The following DNAH12 variants were observed in gnomAD, a reference collection of about 807,000 sequenced individuals.
DNAH12 encodes the protein axonemal beta dynein heavy chain 12.
Under a neutral mutation model 371.5 loss-of-function variants are expected in DNAH12, and 285 were observed. The ratio of observed to expected loss-of-function variants is 0.77; its 90% CI spans 0.70 to 0.85. DNAH12 has a LOEUF of 0.85. Among genes scored for constraint, DNAH12 ranks in the 40% least tolerant of loss-of-function variants. The pLI, the probability that DNAH12 is intolerant of heterozygous loss-of-function variation, is 0.00. For synonymous variants in DNAH12, 1,200 were observed against 1,213.0 expected, an observed-to-expected ratio of 0.99 and a Z score of 0.22; for missense variants, 3,611 against 3,689.4, an observed-to-expected ratio of 0.98 and a Z score of 0.55.
chr3:57,325,037 C>A (rs2061905174), intron 62 of DNAH12, among the ~76,000 whole-genome samples: 1 of 152,226 alleles, frequency 6.6e-6, no homozygotes, highest in African/African-American at 2.4e-5. Context: ...CGCCATTGCC[C>A]AGGCTTGCTT....
rs1290994946 is a variant in DNAH12, at chr3:57,403,368, T to C, written c.6889A>G (p.Ile2297Val). The C allele has an allele frequency of 1.4e-5, 22 of 1,551,088 alleles. No homozygotes were observed. The highest frequency in any genetic ancestry group is 2.0e-5 in the Admixed American group (1 of 50,944). Residue 2297 changes from isoleucine (I) to valine (V), a missense_variant, in exon 43 of 74, where the codon ATT (isoleucine) becomes GTT (valine). This residue lies in a region of DNAH12 where 2,266 missense variants were observed against 2,236.9 expected (regional missense o/e 1.01). Transcript: ENST00000495027. ...RLATSMAKMH[I>V]FQPEISKSYG... ...CTCTTAGAAATTTCTGGTTGGAAAA[T>C]ATGCATTTTTGCCATGGATGTAGCC...
chr3:57,547,953 CA>C (rs1478987329), upstream of DNAH12, among the ~76,000 whole-genome samples: 1 of 152,096 alleles, frequency 6.6e-6, no homozygotes, highest in Non-Finnish European at 1.5e-5. Flanking sequence ...TTTGAAGACA[CA>C]ATGCTTTAGG....
chr3:57,407,281 G>GGA (rs111470239), intron 40 of DNAH12, among the ~76,000 whole-genome samples: 2 of 133,600 alleles, frequency 1.5e-5, no homozygotes, highest in Non-Finnish European at 1.6e-5. Context: ...TTCAAAGACA[G>GGA]AAAAAAAAAA....
intron 64 of DNAH12, 148 bp downstream of exon 64, chr3:57,322,859 G>T: frequency 9.0e-7 from 1 of 1,116,772 alleles, no homozygotes; most frequent in Non-Finnish European, 1.2e-6. Context: ...GAACCCGGGA[G>T]GCGAAGTTTG....
At chr3:57,399,428 A>G (rs2063810875) in intron 43 of DNAH12, among the ~76,000 whole-genome samples, 1 of 152,178 alleles carries the variant, frequency 6.6e-6, no homozygotes, top group Non-Finnish European at 1.5e-5. Flanking sequence ...TGCCTACAAG[A>G]GATTCATTTT....
upstream of DNAH12, among the ~76,000 whole-genome samples, chr3:57,545,305 G>T (rs1242522785): frequency 9.3e-6 from 1 of 107,768 alleles, no homozygotes. Context: ...CACCAAACCC[G>T]ACTAATTTTT....
intron 60 of DNAH12, among the ~76,000 whole-genome samples, chr3:57,344,682 G>T (rs572976026): frequency 1.3e-5 from 2 of 152,104 alleles, no homozygotes; most frequent in East Asian, 1.9e-4. Context: ...AGTGAAATAC[G>T]CCAGGAACAC....
chr3:57,477,109 G>A (rs1188385068), intron 13 of DNAH12, among the ~76,000 whole-genome samples: 2 of 152,162 alleles, frequency 1.3e-5, no homozygotes, highest in Non-Finnish European at 2.9e-5. Flanking sequence ...CTGAGCATGA[G>A]CCAAAGCAGG....
At chr3:57,304,304 G>C (rs575913094) in intron 69 of DNAH12, among the ~76,000 whole-genome samples, 1 of 152,192 alleles carries the variant, frequency 6.6e-6, no homozygotes, top group Non-Finnish European at 1.5e-5. Flanking sequence ...TCCCTTGGGA[G>C]ATCACTCCCC....
At chr3:57,474,319 A>G (rs2066456530) in intron 13 of DNAH12, among the ~76,000 whole-genome samples, 2 of 152,156 alleles carry the variant, frequency 1.3e-5, no homozygotes, top group Non-Finnish European at 2.9e-5. Flanking sequence ...TTTTTGAGAC[A>G]GAGTTTCACT....
rs1205836164 is a variant in DNAH12 at position 57,393,235 on chromosome 3, G to A, written c.7110+936C>T. ...CCTTTTCACTCCAGATGTTATGGCT[G>A]GAGGTTGGGAATTAAATATCCAGGT... On this transcript the variant is annotated intron_variant, in intron 44 of 73. Coordinates refer to ENST00000495027, the MANE Select transcript of DNAH12 (RefSeq NM_001366028.2). Among the ~76,000 whole-genome samples, 3 of 152,174 alleles carry A rather than the reference G, an allele frequency of 2.0e-5. No individual in the cohort carries two copies. The East Asian group carries it at 5.8e-4, about 29-fold the overall frequency.
Position 57,334,812 on chromosome 3 carries a change from G to A in DNAH12, c.9803C>T (p.Ala3268Val). The A allele has an allele frequency of 1.9e-6, 3 of 1,551,750 alleles. No individual in the cohort carries two copies. The highest frequency in any genetic ancestry group is 2.6e-6 in the Non-Finnish European group (3 of 1,147,006). ...TCCTCTGAAGGCAGGAAATTCACTT[G>A]CCCGACAGATTTCCTCCCAGCTTTT... Reference protein sequence around the residue: ...QDKSWEEICRASEFPAFRGLR... With the variant: ...QDKSWEEICRVSEFPAFRGLR... Residue 3268 changes from alanine (A) to valine (V), a missense_variant, in exon 61 of 74, where the codon GCA (alanine) becomes GTA (valine). By Grantham distance (64) the Ala-to-Val change is moderately conservative. Transcript: ENST00000495027.
chr3:57,504,240 C>T, intron 8 of DNAH12, 36 bp from the exon 9 acceptor site: 2 of 1,547,734 alleles, frequency 1.3e-6, no homozygotes, highest in Non-Finnish European at 1.8e-6. Flanking sequence ...TTAGAGAGTA[C>T]AAATTCAACC....
At chr3:57,439,124 T>C (rs1326420208) in intron 29 of DNAH12, among the ~76,000 whole-genome samples, 1 of 152,094 alleles carries the variant, frequency 6.6e-6, no homozygotes, top group Non-Finnish European at 1.5e-5. Context: ...AAAATGGCCA[T>C]GCTGCTCAAT....
At chr3:57,342,963 T>C (rs1463535187) in intron 60 of DNAH12, among the ~76,000 whole-genome samples, 1 of 151,834 alleles carries the variant, frequency 6.6e-6, no homozygotes, top group African/African-American at 2.4e-5. Flanking sequence ...TCCCAGCTAC[T>C]TGGGAAGCTG....
At chr3:57,366,559 T>C (rs922744620) in intron 57 of DNAH12, among the ~76,000 whole-genome samples, 170 bp downstream of exon 57, 40 of 152,178 alleles carry the variant, frequency 2.6e-4, no homozygotes, top group African/African-American at 9.2e-4. Context: ...TATAACACGG[T>C]TGGCTTATAA....
chr3:57,377,821 G>T (rs1250087708), intron 52 of DNAH12, among the ~76,000 whole-genome samples: 3 of 152,118 alleles, frequency 2.0e-5, no homozygotes, highest in African/African-American at 7.2e-5. Flanking sequence ...TGCTCATCAG[G>T]CTATCAAGAA....
intron 9 of DNAH12, 50 bp downstream of exon 9, chr3:57,503,966 T>C (rs763042118): frequency 2.1e-5 from 31 of 1,470,692 alleles, no homozygotes; most frequent in Non-Finnish European, 2.8e-5. Flanking sequence ...TGCATAGAGA[T>C]TCAATTCAAA....
intron 72 of DNAH12, 33 bp from the exon 73 acceptor site, chr3:57,295,625 A>G (rs1057395860): frequency 5.3e-6 from 8 of 1,510,096 alleles, no homozygotes; most frequent in African/African-American, 1.4e-5. Flanking sequence ...ATTATTAGAA[A>G]TAACATGAAA....
Sources: gnomAD v4.1 joint callset for allele counts (sites outside exome capture counted in the v4.1 genomes callset) on GRCh38, gnomAD v4.1.1 for gene constraint, gnomAD v4.1.1 regional missense constraint, MANE v1.5 for transcripts, NCBI Gene and HGNC (gene_info 2026-07-23, HGNC 2026-07-21) for gene names.